RADX: variants seen among roughly 807,000 people sequenced by gnomAD.
RADX encodes RPA-related protein RADX.
A neutral mutation model predicts 61.6 loss-of-function variants in RADX; 36 were observed. The observed-to-expected ratio is 0.58, with a 90% CI of 0.45 to 0.77. The LOEUF (loss-of-function observed/expected upper bound fraction) is 0.77. Among genes scored for constraint, RADX ranks in the 30% least tolerant of loss-of-function variants. RADX has a pLI of 0.00. For synonymous variants in RADX, 272 were observed against 237.9 expected (o/e 1.14, Z -1.32); for missense variants, 497 against 651.1 (o/e 0.76, Z 2.58).
At chrX:106,637,429 G>A (rs1927385126) in intron 7 of RADX, among the ~76,000 whole-genome samples, 1 of 111,727 alleles carries the variant, frequency 9.0e-6, no homozygotes, top group African/African-American at 3.3e-5. Flanking sequence ...TTTAAAAATC[G>A]GTTATTTCAG....
At chrX:106,631,423 T>A (rs1423516475) in intron 3 of RADX, among the ~76,000 whole-genome samples, 2 of 110,551 alleles carry the variant, frequency 1.8e-5, no homozygotes, top group Non-Finnish European at 3.8e-5. Flanking sequence ...AAGTACCAAA[T>A]TTGACCATGT....
intron 11 of RADX, among the ~76,000 whole-genome samples, chrX:106,649,712 A>G (rs1263113700): frequency 9.0e-6 from 1 of 111,580 alleles, no homozygotes; most frequent in Non-Finnish European, 1.9e-5. Context: ...TAAGTTAATC[A>G]TTCACTTGCT....
chrX:106,677,402 A>G (rs1017793657), intron 13 of RADX, among the ~76,000 whole-genome samples: 2 of 111,388 alleles, frequency 1.8e-5, no homozygotes, highest in East Asian at 5.6e-4. Context: ...AGAGTTCTGC[A>G]AAAGTTGATT....
chrX:106,678,977 A>G lies in RADX; in HGVS notation c.*719A>G, dbSNP rs756937284. 3.6e-5 allele frequency: 4 copies of G among 112,511 alleles called. No homozygotes were observed. Among genetic ancestry groups the G allele is most frequent in the Admixed American group, 2.8e-4 (3 of 10,580 alleles). 9.3% of individuals were successfully genotyped at this position (112,511 alleles called of 1,213,427 possible). A position where few individuals can be genotyped will look rare whatever the true frequency, so the allele number is the denominator to read the frequency against. ...GTTTCAGTATATGTAATGTGAGTTT[A>G]AATAGTGAAATTGTATCTCATATTA... On this transcript the variant is annotated 3_prime_UTR_variant, in exon 14 of 14. Coordinates refer to ENST00000372548, the MANE Select transcript of RADX (RefSeq NM_018015.6).
At position 106,637,927 on chromosome X, in the gene RADX, A is replaced by G; in HGVS notation, c.1573+3A>G. Reference sequence around the variant, plus strand: ...CAAGTATAGTAGTTCTATTAAAGGTACTAATGTAATTGCCAGTCCTTCTAA... The same window carrying G: ...CAAGTATAGTAGTTCTATTAAAGGTGCTAATGTAATTGCCAGTCCTTCTAA... On this transcript the variant is annotated splice_donor_region_variant and intron_variant, in intron 8 of 13. Transcript: ENST00000372548. The G allele has an allele frequency of 8.4e-7, 1 of 1,189,211 alleles. No individual in the cohort carries two copies. Among genetic ancestry groups the G allele is most frequent in the South Asian group, 1.8e-5 (1 of 56,271 alleles).
At chrX:106,613,197 C>T (rs955622668) in intron 1 of RADX, among the ~76,000 whole-genome samples, 27 of 111,966 alleles carry the variant, frequency 2.4e-4, no homozygotes, top group African/African-American at 8.8e-4. Flanking sequence ...AAGGATGCTC[C>T]GTGATGTATT....
chrX:106,675,754 A>G (rs1928491928), intron 13 of RADX, among the ~76,000 whole-genome samples: 1 of 112,226 alleles, frequency 8.9e-6, no homozygotes, highest in Non-Finnish European at 1.9e-5. Context: ...AATGAACCGA[A>G]GAGTAGCTCG....
chrX:106,645,983 G>A (rs1927648704), intron 10 of RADX, among the ~76,000 whole-genome samples: 1 of 110,324 alleles, frequency 9.1e-6, no homozygotes, highest in Non-Finnish European at 1.9e-5. Flanking sequence ...TTGCTGGATT[G>A]ACTCCTTTAT....
intron 12 of RADX, among the ~76,000 whole-genome samples, chrX:106,663,183 G>C (rs758316305): frequency 8.9e-6 from 1 of 111,797 alleles, no homozygotes; most frequent in Non-Finnish European, 1.9e-5. Flanking sequence ...AGCTCAGTTG[G>C]TGAGAGCGTG....
intron 7 of RADX, 49 bp from the exon 8 acceptor site, chrX:106,637,711 G>A (rs751046670): frequency 9.4e-7 from 1 of 1,058,317 alleles, no homozygotes; most frequent in South Asian, 2.6e-5. Context: ...GATTGTTACA[G>A]TGACATTTTT....
intron 3 of RADX, among the ~76,000 whole-genome samples, chrX:106,631,615 G>C (rs1447615570): frequency 2.8e-5 from 3 of 105,955 alleles, no homozygotes; most frequent in Non-Finnish European, 1.9e-5. Flanking sequence ...AGGATTGCTT[G>C]AGCCCAGGAG....
At chrX:106,654,477 A>T (rs1419699488) in intron 11 of RADX, among the ~76,000 whole-genome samples, 1 of 111,221 alleles carries the variant, frequency 9.0e-6, no homozygotes, top group East Asian at 2.8e-4. Context: ...CTGATCTTTG[A>T]CAAACCTGAC....
chrX:106,649,518 A>G (rs1321916469), intron 11 of RADX, among the ~76,000 whole-genome samples: 1 of 111,993 alleles, frequency 8.9e-6, no homozygotes, highest in Non-Finnish European at 1.9e-5. Flanking sequence ...TACAGAAGAT[A>G]ATATGGTACT....
At chrX:106,667,218 G>A (rs1309504747) in intron 12 of RADX, among the ~76,000 whole-genome samples, 1 of 111,949 alleles carries the variant, frequency 8.9e-6, no homozygotes, top group Admixed American at 9.5e-5. Flanking sequence ...GTAGTTATCT[G>A]GGGAAAAACC....
rs200124328 is a variant in RADX at position 106,631,843 on chromosome X, AAAAG to A, written c.980-774_980-771del. Among the ~76,000 whole-genome samples, 191 of 110,504 alleles carry A rather than the reference AAAAG, an allele frequency of 1.7e-3. 2 individuals carry two copies. The East Asian group carries it at 0.034, about 20-fold the overall frequency. Reference sequence around the variant, plus strand: ...AGAAAGAAAGAAAAGAAAGAAAGAAAAAAGAAAGAAAAAGAGAAAAGAAAGAAAG... The same window carrying A: ...AGAAAGAAAGAAAAGAAAGAAAGAAAAAAGAAAAAGAGAAAAGAAAGAAAG... On this transcript the variant is annotated intron_variant, in intron 3 of 13. Coordinates refer to ENST00000372548, the MANE Select transcript of RADX (RefSeq NM_018015.6).
chrX:106,635,794 A>C (rs1438909483), intron 6 of RADX, among the ~76,000 whole-genome samples: 1 of 112,218 alleles, frequency 8.9e-6, no homozygotes, highest in Non-Finnish European at 1.9e-5. Flanking sequence ...AGTTAAAATA[A>C]AAAATAATGT....
At chrX:106,672,693 C>A (rs757772921) in intron 13 of RADX, among the ~76,000 whole-genome samples, 2 of 111,987 alleles carry the variant, frequency 1.8e-5, no homozygotes, top group Non-Finnish European at 3.8e-5. Flanking sequence ...CAAAGCCAGA[C>A]AGGCCTGTGA....
chrX:106,663,776 A>C (rs1190683279), intron 12 of RADX, among the ~76,000 whole-genome samples: 1 of 111,744 alleles, frequency 8.9e-6, no homozygotes, highest in Admixed American at 9.5e-5. Context: ...TTAAAAATTA[A>C]AAAGGTAACC....
At chrX:106,630,313 A>G (rs1326880038) in intron 3 of RADX, among the ~76,000 whole-genome samples, 1 of 109,049 alleles carries the variant, frequency 9.2e-6, no homozygotes, top group Non-Finnish European at 1.9e-5. Flanking sequence ...CGACAGAGCA[A>G]TACCAACAAC....
Sources: gnomAD v4.1 joint callset for allele counts (sites outside exome capture counted in the v4.1 genomes callset) on GRCh38, gnomAD v4.1.1 for gene constraint, MANE v1.5 for transcripts, NCBI Gene and HGNC (gene_info 2026-07-23, HGNC 2026-07-21) for gene names.